CTDSPL: variants seen among roughly 807,000 people sequenced by gnomAD.
The protein encoded by CTDSPL is CTD small phosphatase-like protein.
Under a neutral mutation model 30.5 loss-of-function variants are expected in CTDSPL, and 8 were observed. The ratio of observed to expected loss-of-function variants is 0.26; its 90% CI spans 0.15 to 0.47. CTDSPL has a LOEUF of 0.47. Among genes scored for constraint, CTDSPL ranks in the 20% least tolerant of loss-of-function variants. CTDSPL has a pLI of 0.99. For synonymous variants in CTDSPL, 110 were observed against 137.9 expected, an observed-to-expected ratio of 0.80 and a Z score of 1.42; for missense variants, 248 against 366.1, an observed-to-expected ratio of 0.68 and a Z score of 2.63.
intron 6 of CTDSPL, 36 bp downstream of exon 6, chr3:37,971,535 G>A (rs905277420): frequency 1.3e-6 from 2 of 1,581,850 alleles, no homozygotes. Context: ...CTCCCAGCCT[G>A]GTACTCCCAG....
chr3:37,968,017 A>G, intron 5 of CTDSPL, 135 bp downstream of exon 5: 1 of 623,464 alleles, frequency 1.6e-6, no homozygotes, highest in Admixed American at 3.4e-5. Flanking sequence ...TGTAATAAAT[A>G]CAATGTTTTT....
At chr3:37,923,468 A>G (rs939798204) in intron 1 of CTDSPL, among the ~76,000 whole-genome samples, 1 of 152,156 alleles carries the variant, frequency 6.6e-6, no homozygotes, top group Non-Finnish European at 1.5e-5. Context: ...TTCTTATTCC[A>G]TGTTCAGTCC....
chr3:37,929,452 T>C (rs1357511392), intron 1 of CTDSPL, among the ~76,000 whole-genome samples: 2 of 152,228 alleles, frequency 1.3e-5, no homozygotes, highest in Non-Finnish European at 2.9e-5. Flanking sequence ...TCTTCTTTAG[T>C]TTCTTCCAGC....
At chr3:37,896,414 A>C (rs1698390775) in intron 1 of CTDSPL, among the ~76,000 whole-genome samples, 1 of 151,984 alleles carries the variant, frequency 6.6e-6, no homozygotes, top group African/African-American at 2.4e-5. Context: ...GATGTGAAAA[A>C]GAGCTAGAAA....
Position 37,935,048 on chromosome 3 carries a change from A to G in CTDSPL, c.80-12009A>G, listed in dbSNP as rs566283457. Among the ~76,000 whole-genome samples the G allele has an allele frequency of 1.0e-3, 158 of 152,342 alleles. 1 individual carries two copies. Among genetic ancestry groups the G allele is most frequent in the African/African-American group, 3.5e-3 (147 of 41,572 alleles). Reference sequence around the variant, plus strand: ...GCTTCATCTCATACTGACCACAGACACTTCCCCGCATGTCTTCATAATGAT... The same window carrying G: ...GCTTCATCTCATACTGACCACAGACGCTTCCCCGCATGTCTTCATAATGAT... On this transcript the variant is annotated intron_variant, in intron 1 of 7. Coordinates refer to ENST00000273179, the MANE Select transcript of CTDSPL (RefSeq NM_001008392.2).
chr3:37,903,746 T>C (rs1415971253), intron 1 of CTDSPL, among the ~76,000 whole-genome samples: 3 of 152,184 alleles, frequency 2.0e-5, no homozygotes, highest in Non-Finnish European at 2.9e-5. Flanking sequence ...TCAGAGCTTC[T>C]TGGGGACAAA....
chr3:37,924,877 T>C (rs907321807), intron 1 of CTDSPL, among the ~76,000 whole-genome samples: 5 of 152,208 alleles, frequency 3.3e-5, no homozygotes, highest in African/African-American at 9.7e-5. Flanking sequence ...CTGAGCCTGC[T>C]GTCTGTCCTT....
At chr3:37,905,640 G>T (rs1698506969) in intron 1 of CTDSPL, among the ~76,000 whole-genome samples, 1 of 152,306 alleles carries the variant, frequency 6.6e-6, no homozygotes, top group East Asian at 1.9e-4. Flanking sequence ...GTGCAGACAT[G>T]TTCTCCAGAC....
At chr3:37,885,815 G>A (rs939651355) in intron 1 of CTDSPL, among the ~76,000 whole-genome samples, 5 of 152,172 alleles carry the variant, frequency 3.3e-5, no homozygotes, top group African/African-American at 1.2e-4. Context: ...AAGGGGTGGA[G>A]ATTTATATGC....
At chr3:37,905,069 C>CA in intron 1 of CTDSPL, among the ~76,000 whole-genome samples, 1 of 152,188 alleles carries the variant, frequency 6.6e-6, no homozygotes, top group East Asian at 1.9e-4. Context: ...CAGCTTCAAA[C>CA]ACGGGGACTC....
At chr3:37,897,671 T>A (rs1038768727) in intron 1 of CTDSPL, among the ~76,000 whole-genome samples, 1 of 152,158 alleles carries the variant, frequency 6.6e-6, no homozygotes, top group Non-Finnish European at 1.5e-5. Context: ...CAGGCCTAGA[T>A]GGACATCTGC....
At chr3:37,944,705 C>T (rs1030343407) in intron 1 of CTDSPL, 2 of 150,374 alleles carry the variant, frequency 1.3e-5, no homozygotes, top group Admixed American at 6.7e-5. Flanking sequence ...GGCCCTAGAA[C>T]TAACCTTATT....
At chr3:37,891,863 A>G (rs1698330688) in intron 1 of CTDSPL, among the ~76,000 whole-genome samples, 1 of 152,206 alleles carries the variant, frequency 6.6e-6, no homozygotes, top group Non-Finnish European at 1.5e-5. Context: ...ACAGCTTTGT[A>G]CAACATATAT....
At chr3:37,896,835 G>A (rs1455508367) in intron 1 of CTDSPL, among the ~76,000 whole-genome samples, 3 of 152,060 alleles carry the variant, frequency 2.0e-5, no homozygotes, top group Admixed American at 6.6e-5. Flanking sequence ...CACCATGCCT[G>A]GCCAACATTC....
At chr3:37,967,993 A>G (rs1190366906) in intron 5 of CTDSPL, 111 bp downstream of exon 5, 1 of 724,598 alleles carries the variant, frequency 1.4e-6, no homozygotes, top group Non-Finnish European at 2.3e-6. Flanking sequence ...TTACGGAATC[A>G]AAAGGAAGCA....
intron 7 of CTDSPL, 46 bp from the exon 8 acceptor site, chr3:37,980,696 A>G: frequency 6.2e-7 from 1 of 1,606,484 alleles, no homozygotes; most frequent in South Asian, 1.1e-5. Context: ...AGCAGCCCCC[A>G]GCGCTAGATG....
intron 1 of CTDSPL, among the ~76,000 whole-genome samples, chr3:37,886,084 C>G (rs921227070): frequency 1.3e-5 from 2 of 152,150 alleles, no homozygotes; most frequent in African/African-American, 4.8e-5. Flanking sequence ...TGCTCTGGTT[C>G]CCAAGTGTCT....
intron 1 of CTDSPL, among the ~76,000 whole-genome samples, chr3:37,925,163 C>T (rs1414753665): frequency 6.6e-6 from 1 of 152,186 alleles, no homozygotes; most frequent in Non-Finnish European, 1.5e-5. Context: ...TCTCTCCCCA[C>T]AACAGAAGTC....
intron 1 of CTDSPL, among the ~76,000 whole-genome samples, chr3:37,928,203 G>C (rs972735323): frequency 1.3e-5 from 2 of 152,158 alleles, no homozygotes; most frequent in African/African-American, 4.8e-5. Flanking sequence ...AGTACAAATA[G>C]CTCTTCAGGA....
Sources: gnomAD v4.1 joint callset for allele counts (sites outside exome capture counted in the v4.1 genomes callset) on GRCh38, gnomAD v4.1.1 for gene constraint, MANE v1.5 for transcripts, NCBI Gene and HGNC (gene_info 2026-07-23, HGNC 2026-07-21) for gene names.